NREP: variants seen among roughly 807,000 people sequenced by gnomAD.
NREP encodes neuronal regeneration related protein, also known as neuronal regeneration-related protein.
NREP carries 5 observed loss-of-function variants against 8.6 expected under a neutral mutation model. That is an observed-to-expected ratio of 0.58 (90% CI 0.30 to 1.22). The LOEUF (loss-of-function observed/expected upper bound fraction) is 1.22, where lower values mean the gene tolerates loss of function less well. NREP is among the 50% of genes most tolerant of loss of function. The probability of loss-of-function intolerance (pLI) is 0.07; values close to 1 mark genes in which losing one functional copy is unlikely to be tolerated. For synonymous variants in NREP, 27 were observed against 28.0 expected (o/e 0.96, Z 0.11); for missense variants, 86 against 82.5 (o/e 1.04, Z -0.17).
chr5:111,957,343 C>G (rs1430161256), intron 2 of NREP, among the ~76,000 whole-genome samples: 1 of 151,602 alleles, frequency 6.6e-6, no homozygotes, highest in African/African-American at 2.4e-5. Flanking sequence ...ATATACCTAC[C>G]TATAAAATAT....
chr5:111,965,822 T>C (rs1175793436), intron 2 of NREP, among the ~76,000 whole-genome samples: 7 of 152,202 alleles, frequency 4.6e-5, no homozygotes, highest in Admixed American at 2.0e-4. Context: ...TTTGTTTGTA[T>C]TGGGATTCAA....
At chr5:111,743,854 CTATGT>C (rs1749832232) in intron 2 of NREP, among the ~76,000 whole-genome samples, 1 of 152,102 alleles carries the variant, frequency 6.6e-6, no homozygotes, top group Non-Finnish European at 1.5e-5. Flanking sequence ...ACCAAGAATG[CTATGT>C]TTTCTTTCCT....
chr5:111,857,758 A>G (rs1264581124), intron 2 of NREP, among the ~76,000 whole-genome samples: 1 of 152,206 alleles, frequency 6.6e-6, no homozygotes, highest in Non-Finnish European at 1.5e-5. Context: ...ATTACAACAC[A>G]GTAAGAACTT....
chr5:111,936,824 A>C (rs1042248544), intron 2 of NREP, among the ~76,000 whole-genome samples: 4 of 152,124 alleles, frequency 2.6e-5, no homozygotes, highest in Non-Finnish European at 4.4e-5. Flanking sequence ...AACTGTACTA[A>C]TAATGCCTAC....
chr5:111,959,432 G>A (rs1756421775), intron 2 of NREP, among the ~76,000 whole-genome samples: 1 of 151,888 alleles, frequency 6.6e-6, no homozygotes, highest in Non-Finnish European at 1.5e-5. Flanking sequence ...ACATACATGT[G>A]TACTTTTCTA....
At chr5:111,867,327 T>C (rs1753690612) in intron 2 of NREP, among the ~76,000 whole-genome samples, 1 of 152,124 alleles carries the variant, frequency 6.6e-6, no homozygotes. Context: ...GCTCTCTTCC[T>C]CTCTTTGCAG....
chr5:111,804,959 C>T (rs761500205), intron 2 of NREP, among the ~76,000 whole-genome samples: 6 of 152,132 alleles, frequency 3.9e-5, no homozygotes, highest in Non-Finnish European at 8.8e-5. Flanking sequence ...CGAGATGGCG[C>T]CACTGCACTC....
intron 2 of NREP, among the ~76,000 whole-genome samples, chr5:111,925,830 C>T (rs931416785): frequency 2.6e-5 from 4 of 152,156 alleles, no homozygotes; most frequent in Admixed American, 6.5e-5. Flanking sequence ...GGGGTCACTA[C>T]GGTCCTAGCC....
chr5:111,794,593 T>C (rs1236638092), intron 2 of NREP, among the ~76,000 whole-genome samples: 1 of 152,140 alleles, frequency 6.6e-6, no homozygotes, highest in Non-Finnish European at 1.5e-5. Context: ...ACATACAATA[T>C]GATTTCAACT....
chr5:111,910,297 T>C (rs1056978611), intron 2 of NREP, among the ~76,000 whole-genome samples: 1 of 151,982 alleles, frequency 6.6e-6, no homozygotes, highest in South Asian at 2.1e-4. Flanking sequence ...TAAATACAGA[T>C]TGAACAAAGA....
intron 2 of NREP, among the ~76,000 whole-genome samples, chr5:111,860,045 C>T (rs960909036): frequency 3.3e-5 from 5 of 152,144 alleles, no homozygotes; most frequent in Non-Finnish European, 5.9e-5. Context: ...TGCATAATCA[C>T]GTTGTGAGTG....
intron 2 of NREP, among the ~76,000 whole-genome samples, chr5:111,785,708 G>T (rs1751593046): frequency 6.6e-6 from 1 of 152,124 alleles, no homozygotes; most frequent in Non-Finnish European, 1.5e-5. Flanking sequence ...ATAAGAAAGG[G>T]GACATGAAGC....
intron 2 of NREP, among the ~76,000 whole-genome samples, chr5:111,909,499 A>G (rs750423645): frequency 1.2e-4 from 18 of 152,210 alleles, no homozygotes; most frequent in South Asian, 2.1e-4. Flanking sequence ...ATCAGCTTCT[A>G]TATCTGTTAG....
chr5:111,851,066 G>A (rs1333311572), intron 2 of NREP, among the ~76,000 whole-genome samples: 1 of 151,920 alleles, frequency 6.6e-6, no homozygotes, highest in African/African-American at 2.4e-5. Context: ...TTTCCTACTG[G>A]GTCATGACAA....
At chr5:111,866,699 T>C (rs1348418209) in intron 2 of NREP, among the ~76,000 whole-genome samples, 1 of 152,174 alleles carries the variant, frequency 6.6e-6, no homozygotes, top group Non-Finnish European at 1.5e-5. Context: ...TGCACACGTA[T>C]GTTTATTGCG....
At chr5:111,787,831 C>T (rs1011586901) in intron 2 of NREP, among the ~76,000 whole-genome samples, 1 of 152,140 alleles carries the variant, frequency 6.6e-6, no homozygotes, top group African/African-American at 2.4e-5. Flanking sequence ...GGCATCGTGG[C>T]TCATGCCTGT....
chr5:111,906,584 A>C (rs1325229947), intron 2 of NREP, among the ~76,000 whole-genome samples: 1 of 152,108 alleles, frequency 6.6e-6, no homozygotes, highest in Non-Finnish European at 1.5e-5. Context: ...CATTTTAGTG[A>C]TATCACAAAT....
intron 2 of NREP, among the ~76,000 whole-genome samples, chr5:111,861,845 G>A (rs969099723): frequency 6.6e-6 from 1 of 152,064 alleles, no homozygotes; most frequent in Non-Finnish European, 1.5e-5. Context: ...GGAAAGCACA[G>A]CACAGATAGT....
intron 2 of NREP, among the ~76,000 whole-genome samples, chr5:111,923,243 G>A (rs1471862662): frequency 6.6e-6 from 1 of 152,166 alleles, no homozygotes; most frequent in East Asian, 1.9e-4. Context: ...TAGTGAAAGA[G>A]ACATACTTTT....
Sources: gnomAD v4.1 joint callset for allele counts (sites outside exome capture counted in the v4.1 genomes callset) on GRCh38, gnomAD v4.1.1 for gene constraint, MANE v1.5 for transcripts, NCBI Gene and HGNC (gene_info 2026-07-23, HGNC 2026-07-21) for gene names.